The following BLTP1 variants were observed in gnomAD, a reference collection of about 807,000 sequenced individuals.
BLTP1 encodes fragile site-associated protein.
At chr4:122,231,648 A>G in the BLTP1 span, 1 of 961,266 alleles carries the variant, frequency 1.0e-6, no homozygotes, top group African/African-American at 1.8e-5. Context: ...CTAGTAATCA[A>G]ATAGCATCTG....
At chr4:122,352,779 G>A in the BLTP1 span, 1 of 1,145,764 alleles carries the variant, frequency 8.7e-7, no homozygotes. Context: ...TGTTTAACAG[G>A]CACTGGACAC....
chr4:122,297,454 T>C, the BLTP1 span, among the ~76,000 whole-genome samples: 1 of 152,142 alleles, frequency 6.6e-6, no homozygotes, highest in Non-Finnish European at 1.5e-5. Flanking sequence ...ACATTGTTGG[T>C]GGGAGCGTAA....
the BLTP1 span, chr4:122,189,346 A>C: frequency 2.0e-6 from 2 of 982,104 alleles, no homozygotes; most frequent in Non-Finnish European, 2.4e-6. Flanking sequence ...TGTTTAATCA[A>C]AGCAAGCAAA....
the BLTP1 span, chr4:122,350,167 C>T: frequency 6.8e-7 from 1 of 1,462,210 alleles, no homozygotes; most frequent in Non-Finnish European, 9.0e-7. Context: ...GTATGCCCCA[C>T]TTAGAAAATA....
chr4:122,342,669 C>A, the BLTP1 span, among the ~76,000 whole-genome samples: 2 of 152,066 alleles, frequency 1.3e-5, no homozygotes, highest in Non-Finnish European at 2.9e-5. Context: ...GAGCTGTTTT[C>A]ATGGAAGTAT....
the BLTP1 span, among the ~76,000 whole-genome samples, chr4:122,288,423 G>A: frequency 6.6e-6 from 1 of 152,072 alleles, no homozygotes; most frequent in Non-Finnish European, 1.5e-5. Context: ...GCTCACACCT[G>A]TAATCCCAGC....
chr4:122,225,704 A>G, the BLTP1 span: 8 of 152,174 alleles, frequency 5.3e-5, no homozygotes, highest in African/African-American at 1.7e-4. Context: ...TGATATTTAT[A>G]AAAATATGTG....
At chr4:122,297,543 A>G in the BLTP1 span, among the ~76,000 whole-genome samples, 46 of 152,344 alleles carry the variant, frequency 3.0e-4, no homozygotes, top group African/African-American at 9.9e-4. Context: ...TTTGCCCAGC[A>G]ATCCCATTAC....
the BLTP1 span, chr4:122,304,947 T>C: frequency 2.5e-6 from 4 of 1,613,928 alleles, no homozygotes; most frequent in East Asian, 6.7e-5. Context: ...GCCAGGTGGA[T>C]TTAAATCTGG....
chr4:122,252,679 G>A, the BLTP1 span, among the ~76,000 whole-genome samples: 1 of 152,306 alleles, frequency 6.6e-6, no homozygotes, highest in East Asian at 1.9e-4. Context: ...GTCTCCAGTT[G>A]TTGGCTCCTG....
chr4:122,212,184 C>G, the BLTP1 span: 1 of 334,212 alleles, frequency 3.0e-6, no homozygotes, highest in South Asian at 1.2e-4. Context: ...TATATAGCAT[C>G]TCAATATTTG....
At chr4:122,259,255 A>G in the BLTP1 span, among the ~76,000 whole-genome samples, 1 of 152,210 alleles carries the variant, frequency 6.6e-6, no homozygotes, top group Admixed American at 6.5e-5. Context: ...AGAGACATAT[A>G]GCAAAGTGGT....
the BLTP1 span, chr4:122,243,710 C>CTT: frequency 2.0e-6 from 2 of 1,024,024 alleles, no homozygotes; most frequent in Non-Finnish European, 2.6e-6. Context: ...GAGTGAGACT[C>CTT]TATCTCAAAG....
At chr4:122,250,358 A>G in the BLTP1 span, 5 of 1,590,812 alleles carry the variant, frequency 3.1e-6, no homozygotes, top group Non-Finnish European at 4.3e-6. Flanking sequence ...TTTTATTTTT[A>G]TAGGAGGAAG....
chr4:122,205,633 C>A, the BLTP1 span, among the ~76,000 whole-genome samples: 1 of 38,582 alleles, frequency 2.6e-5, no homozygotes, highest in Non-Finnish European at 5.5e-5. Flanking sequence ...CCAATTGTTT[C>A]CCCCCCCTTC....
At chr4:122,188,135 C>G in the BLTP1 span, 1 of 1,348,320 alleles carries the variant, frequency 7.4e-7, no homozygotes, top group Non-Finnish European at 9.6e-7. Context: ...ATAGGTAATA[C>G]AGATACAGCT....
the BLTP1 span, chr4:122,215,301 T>G: frequency 1.1e-6 from 1 of 891,584 alleles, no homozygotes; most frequent in Non-Finnish European, 1.3e-6. Flanking sequence ...ACTGTAATAA[T>G]CTACAGGAAT....
At chr4:122,328,053 T>C in the BLTP1 span, 1 of 1,336,296 alleles carries the variant, frequency 7.5e-7, no homozygotes, top group Non-Finnish European at 1.0e-6. Flanking sequence ...TATTTTTTCT[T>C]TTTTTAATTG....
At chr4:122,346,948 CA>C in the BLTP1 span, 1 of 835,534 alleles carries the variant, frequency 1.2e-6, no homozygotes, top group Non-Finnish European at 1.4e-6. Flanking sequence ...ATCAGAGAAC[CA>C]AAAAGACAAA....
Sources: gnomAD v4.1 joint callset for allele counts (sites outside exome capture counted in the v4.1 genomes callset) on GRCh38, gnomAD v4.1.1 for gene constraint, MANE v1.5 for transcripts, NCBI Gene and HGNC (gene_info 2026-07-23, HGNC 2026-07-21) for gene names.